The following CDH12 variants were observed in gnomAD, a reference collection of about 807,000 sequenced individuals.
The protein encoded by CDH12 is cadherin 12.
In CDH12, 41 loss-of-function variants were observed where a neutral mutation model predicts 74.1. The observed-to-expected ratio is 0.55, with a 90% CI of 0.43 to 0.72. The LOEUF is 0.72. Ranked by LOEUF, CDH12 falls within the 30% of genes least tolerant of loss-of-function variation. The pLI is 0.00. For missense variants in CDH12, 945 were observed against 977.2 expected, an observed-to-expected ratio of 0.97 and a Z score of 0.44; for synonymous variants, 399 against 355.0, an observed-to-expected ratio of 1.12 and a Z score of -1.39.
intron 8 of CDH12, among the ~76,000 whole-genome samples, chr5:21,840,616 C>A (rs1233661606): frequency 6.6e-6 from 1 of 151,944 alleles, no homozygotes; most frequent in Admixed American, 6.6e-5. Flanking sequence ...TACTACAAGG[C>A]TACAGTAACC....
chr5:21,880,572 T>TTCCTTCCTTCCTTCC lies in CDH12; in HGVS notation c.527-25783_527-25782insGGAAGGAAGGAAGGA, dbSNP rs1579895240. Among the ~76,000 whole-genome samples, 67 of 12,928 alleles carry TTCCTTCCTTCCTTCC rather than the reference T, an allele frequency of 5.2e-3. 6 individuals are homozygous for TTCCTTCCTTCCTTCC. Among genetic ancestry groups the TTCCTTCCTTCCTTCC allele is most frequent in the East Asian group, 0.022 (6 of 274 alleles). The allele number at this position is 12,928 out of a possible 152,430, so 8.5% of individuals were successfully genotyped here. A position where few individuals can be genotyped will look rare whatever the true frequency, so the allele number is the denominator to read the frequency against. ...CTTCCTTCCTTCCTTCCCTTCTTTC[T>TTCCTTCCTTCCTTCC]TTCCTTCCTTCCTTCCTTCCTTCCT... On this transcript the variant is annotated intron_variant, in intron 6 of 14. Coordinates refer to ENST00000382254, the MANE Select transcript of CDH12 (RefSeq NM_004061.5).
chr5:22,093,175 A>G (rs972540417), intron 4 of CDH12, among the ~76,000 whole-genome samples: 1 of 152,154 alleles, frequency 6.6e-6, no homozygotes, highest in East Asian at 1.9e-4. Context: ...CATAACCACA[A>G]AGCTCTAGCT....
At chr5:22,244,309 G>A (rs1752842369) in intron 3 of CDH12, among the ~76,000 whole-genome samples, 1 of 151,780 alleles carries the variant, frequency 6.6e-6, no homozygotes, top group Non-Finnish European at 1.5e-5. Context: ...GACTAACATG[G>A]TGAAACCCTT....
intron 6 of CDH12, among the ~76,000 whole-genome samples, chr5:21,890,443 A>G (rs2150043461): frequency 1.3e-5 from 2 of 152,258 alleles, no homozygotes; most frequent in Admixed American, 1.3e-4. Flanking sequence ...AATGGAAAAT[A>G]AGAAGAGTGA....
rs1258774938 is a variant in CDH12 at position 22,179,148 on chromosome 5, G to T, written c.-187+33350C>A. On this transcript the variant is annotated intron_variant, in intron 4 of 14. Transcript: ENST00000382254. ...AATAAATAGCAGTGAGGAGACTCCT[G>T]GTAAACATAGCATTTCAAACTTATG... 3.9e-5 allele frequency among the ~76,000 whole-genome samples: 6 copies of T among 152,030 alleles called. No individual in the cohort carries two copies. In the East Asian group the frequency reaches 1.2e-3, roughly 29 times the overall value.
intron 1 of CDH12, among the ~76,000 whole-genome samples, chr5:22,521,068 G>C (rs189888844): frequency 9.2e-4 from 139 of 151,668 alleles, no homozygotes; most frequent in Non-Finnish European, 1.8e-4. Flanking sequence ...AGAAGGAGAG[G>C]AGATGCTGTA....
At chr5:22,183,915 T>C (rs545590657) in intron 4 of CDH12, among the ~76,000 whole-genome samples, 1 of 152,228 alleles carries the variant, frequency 6.6e-6, no homozygotes, top group African/African-American at 2.4e-5. Flanking sequence ...GGGTCCTTTC[T>C]ACACAAAAAT....
chr5:22,829,924 A>G (rs1487516815), intron 1 of CDH12, among the ~76,000 whole-genome samples: 1 of 152,216 alleles, frequency 6.6e-6, no homozygotes, highest in African/African-American at 2.4e-5. Context: ...TGAACCTGAA[A>G]AACCACAGCT....
At chr5:22,828,730 A>G (rs1357307925) in intron 1 of CDH12, among the ~76,000 whole-genome samples, 2 of 152,220 alleles carry the variant, frequency 1.3e-5, no homozygotes, top group Non-Finnish European at 2.9e-5. Context: ...TAGAAAATCA[A>G]TGGCTTCTCC....
chr5:22,293,905 C>T (rs1282767678), intron 3 of CDH12, among the ~76,000 whole-genome samples: 1 of 152,012 alleles, frequency 6.6e-6, no homozygotes, highest in African/African-American at 2.4e-5. Context: ...AAAATAAGCT[C>T]AAGAGATCTG....
chr5:22,837,758 A>G (rs977985570), intron 1 of CDH12, among the ~76,000 whole-genome samples: 1 of 152,226 alleles, frequency 6.6e-6, no homozygotes, highest in African/African-American at 2.4e-5. Flanking sequence ...AACATTAAAT[A>G]GAATTTACAT....
At chr5:22,698,749 T>A (rs1419974882) in intron 1 of CDH12, among the ~76,000 whole-genome samples, 5 of 122,804 alleles carry the variant, frequency 4.1e-5, no homozygotes, top group Non-Finnish European at 6.8e-5. Flanking sequence ...TGTGTGTGTG[T>A]GTGTGTGTGT....
At position 21,921,320 on chromosome 5, in the gene CDH12, AG is replaced by A. The variant is rs371373239; in HGVS notation, c.526+53770del. Among the ~76,000 whole-genome samples, 982 of 152,334 alleles carry A rather than the reference AG, an allele frequency of 6.4e-3. 16 individuals are homozygous for A. The highest frequency in any genetic ancestry group is 0.022 in the African/African-American group (925 of 41,566). ...TATCTATATACTTGTCATAGTGTCAAGATATGTTTAGCAAGGATGGTCCTGC... is the reference window on the plus strand; with the variant it reads ...TATCTATATACTTGTCATAGTGTCAAATATGTTTAGCAAGGATGGTCCTGC... On this transcript the variant is annotated intron_variant, in intron 6 of 14. Transcript: ENST00000382254.
intron 4 of CDH12, among the ~76,000 whole-genome samples, chr5:22,088,872 G>T (rs184711077): frequency 6.6e-6 from 1 of 152,140 alleles, no homozygotes; most frequent in African/African-American, 2.4e-5. Context: ...ATGGCATGAG[G>T]CAGTTGTGAA....
chr5:21,883,851 G>T (rs1752488812), intron 6 of CDH12: 1 of 1,606,552 alleles, frequency 6.2e-7, no homozygotes, highest in East Asian at 2.2e-5. Flanking sequence ...GAAAGACAGA[G>T]TTACAGATGC....
At chr5:22,036,218 C>T (rs1173971944) in intron 5 of CDH12, among the ~76,000 whole-genome samples, 2 of 152,148 alleles carry the variant, frequency 1.3e-5, no homozygotes, top group Admixed American at 1.3e-4. Flanking sequence ...GCAAACTCCT[C>T]CACACTGCAC....
chr5:22,127,246 C>A (rs866469755), intron 4 of CDH12, among the ~76,000 whole-genome samples: 3 of 151,952 alleles, frequency 2.0e-5, no homozygotes, highest in Non-Finnish European at 4.4e-5. Flanking sequence ...GTAATCCCAG[C>A]ACTTTGGGGG....
chr5:22,587,098 A>C (rs186929200), intron 1 of CDH12, among the ~76,000 whole-genome samples: 87 of 152,154 alleles, frequency 5.7e-4, no homozygotes, highest in African/African-American at 2.0e-3. Flanking sequence ...GGCCTCCCAA[A>C]GTGCTGGGAT....
intron 1 of CDH12, among the ~76,000 whole-genome samples, chr5:22,684,790 C>T (rs1741674326): frequency 6.6e-6 from 1 of 152,176 alleles, no homozygotes; most frequent in South Asian, 2.1e-4. Context: ...CACACTTGTG[C>T]ATATACACAC....
Sources: gnomAD v4.1 joint callset for allele counts (sites outside exome capture counted in the v4.1 genomes callset) on GRCh38, gnomAD v4.1.1 for gene constraint, MANE v1.5 for transcripts, NCBI Gene and HGNC (gene_info 2026-07-23, HGNC 2026-07-21) for gene names.